The following TRIP11 variants were observed in gnomAD, a reference collection of about 807,000 sequenced individuals.
TRIP11 encodes the protein thyroid hormone receptor interactor 11.
A neutral mutation model predicts 223.1 loss-of-function variants in TRIP11; 148 were observed. The ratio of observed to expected loss-of-function variants is 0.66; its 90% CI spans 0.58 to 0.76. The LOEUF (loss-of-function observed/expected upper bound fraction) is 0.76, where lower values mean the gene tolerates loss of function less well. Among genes scored for constraint, TRIP11 ranks in the 30% least tolerant of loss-of-function variants. The probability of loss-of-function intolerance (pLI) is 0.00; values close to 1 mark genes in which losing one functional copy is unlikely to be tolerated. For synonymous variants in TRIP11, 762 were observed against 772.6 expected (o/e 0.99, Z 0.23); for missense variants, 2,043 against 2,222.0 (o/e 0.92, Z 1.62).
At chr14:92,038,961 G>A (rs2057353519) in intron 1 of TRIP11, among the ~76,000 whole-genome samples, 1 of 152,066 alleles carries the variant, frequency 6.6e-6, no homozygotes, top group Admixed American at 6.6e-5. Flanking sequence ...TTCTACTGTC[G>A]AAATATGGGC....
Position 91,995,356 on chromosome 14 carries a change from T to C in TRIP11, c.5052A>G (p.Gln1684=), listed in dbSNP as rs763420190. The C allele has an allele frequency of 5.0e-6, 8 of 1,613,366 alleles. No homozygotes were observed. Among genetic ancestry groups the C allele is most frequent in the Non-Finnish European group, 2.5e-6 (3 of 1,179,926 alleles). The change falls in exon 14 of 21, where the codon CAA becomes CAG. Residue 1684 remains glutamine (Q), a synonymous_variant. Transcript: ENST00000267622. ...ANLQMVLEHF[Q]QEEKAMYSAE... Reference sequence around the variant, plus strand: ...AAGAGTGACCGTAGAGCTTACCTTGTTGGAAATGCTCTAGTACCATCTGCA... The same window carrying C: ...AAGAGTGACCGTAGAGCTTACCTTGCTGGAAATGCTCTAGTACCATCTGCA...
intron 16 of TRIP11, among the ~76,000 whole-genome samples, chr14:91,976,854 A>G (rs1474742901): frequency 1.3e-5 from 2 of 152,224 alleles, no homozygotes; most frequent in African/African-American, 4.8e-5. Context: ...AATAGTTGGA[A>G]TTTAAGCAGT....
chr14:91,993,514 A>AAGTTAAAT (rs1370779983), intron 15 of TRIP11, among the ~76,000 whole-genome samples: 1 of 151,542 alleles, frequency 6.6e-6, no homozygotes, highest in East Asian at 1.9e-4. Flanking sequence ...GAAAATTATA[A>AAGTTAAAT]AGTTAAATTA....
intron 11 of TRIP11, 132 bp from the exon 12 acceptor site, chr14:92,000,240 AGG>A: frequency 7.3e-7 from 1 of 1,370,210 alleles, no homozygotes; most frequent in South Asian, 1.3e-5. Flanking sequence ...CTCTCTGAGT[AGG>A]CTCAGAGAGA....
At chr14:91,998,328 T>C (rs1250962770) in intron 13 of TRIP11, among the ~76,000 whole-genome samples, 1 of 152,164 alleles carries the variant, frequency 6.6e-6, no homozygotes, top group Non-Finnish European at 1.5e-5. Context: ...ATATAATCTG[T>C]CATCAACACA....
rs1283209291 is a variant in TRIP11 at position 91,967,384 on chromosome 14, C to A, written c.*2289G>T. On this transcript the variant is annotated 3_prime_UTR_variant, in exon 21 of 21. Transcript: ENST00000267622. ...GAACTCCTGACCTCAGGTGATCCAC[C>A]CACCTCACCCTCCCAAAGTTCTGGG... The A allele has an allele frequency of 1.7e-5, 3 of 178,774 alleles. No homozygotes were observed. The highest frequency in any genetic ancestry group is 3.6e-5 in the Non-Finnish European group (3 of 83,536). 11.1% of individuals were successfully genotyped at this position (178,774 alleles called of 1,614,324 possible).
chr14:92,022,504 A>G (rs2057127653), intron 3 of TRIP11, among the ~76,000 whole-genome samples: 1 of 152,236 alleles, frequency 6.6e-6, no homozygotes, highest in African/African-American at 2.4e-5. Context: ...ATTTAGGAAG[A>G]GAACAGTTCT....
At chr14:92,020,544 G>A (rs977891713) in intron 4 of TRIP11, among the ~76,000 whole-genome samples, 1 of 152,056 alleles carries the variant, frequency 6.6e-6, no homozygotes, top group Non-Finnish European at 1.5e-5. Context: ...TAAGCAAGCG[G>A]TTTCAAACAT....
chr14:91,997,330 A>G (rs1183745444), intron 13 of TRIP11, among the ~76,000 whole-genome samples: 2 of 152,144 alleles, frequency 1.3e-5, no homozygotes, highest in Non-Finnish European at 1.5e-5. Context: ...ATGCTATGTG[A>G]TAGGTAGAAA....
Position 92,021,664 on chromosome 14 carries a change from A to T in TRIP11, c.480T>A (p.Asp160Glu). 6.2e-7 allele frequency: 1 copy of T among 1,614,164 alleles called. No homozygotes were observed. Among genetic ancestry groups the T allele is most frequent in the East Asian group, 2.2e-5 (1 of 44,882 alleles). ...ISHHPSAFHD[D>E]DMDFGDIISS... ...AAATTATATCACCAAAGTCCATGTC[A>T]TCGTCATGGAAAGCTGAAGGATGAT... The change falls in exon 4 of 21, where the codon GAT becomes GAA. Residue 160 changes from aspartate (D) to glutamate (E), a missense_variant. Coordinates refer to ENST00000267622, the MANE Select transcript of TRIP11 (RefSeq NM_004239.4).
Position 91,968,491 on chromosome 14 carries a change from A to G in TRIP11, c.*1182T>C, listed in dbSNP as rs540801549. The stretch of plus-strand genomic sequence containing the variant: ...GCTGTACCTCATATGTCAACACCGC[A>G]GACGGAGGCAGGAAGTGGCATGTTC... On this transcript the variant is annotated 3_prime_UTR_variant, in exon 21 of 21. Coordinates refer to ENST00000267622, the MANE Select transcript of TRIP11 (RefSeq NM_004239.4). The G allele has an allele frequency of 1.4e-5, 3 of 215,986 alleles. No homozygotes were observed. The South Asian group carries it at 5.6e-4, about 40-fold the overall frequency. The allele number at this position is 215,986 out of a possible 1,614,324, so 13.4% of individuals were successfully genotyped here. A position where few individuals can be genotyped will look rare whatever the true frequency, so the allele number is the denominator to read the frequency against.
intron 15 of TRIP11, among the ~76,000 whole-genome samples, chr14:91,992,108 G>C (rs1487203500): frequency 1.7e-5 from 2 of 121,014 alleles, no homozygotes; most frequent in African/African-American, 3.0e-5. Context: ...AAAAAAGCAA[G>C]TCTCAGAAAA....
chr14:92,003,507 G>GAA lies in TRIP11; in HGVS notation c.4467_4468dup (p.Ser1490PhefsTer3). ...AAACTCTTTTTCTCGCAGCATCATA[G>GAA]AAAACTTCATGTTAGTCTCTTGTAA... is the stretch of plus-strand genomic sequence containing the variant. On this transcript the variant is annotated frameshift_variant, in exon 11 of 21. Coordinates refer to ENST00000267622, the MANE Select transcript of TRIP11 (RefSeq NM_004239.4). LOFTEE classifies it high-confidence loss of function. The GAA allele has an allele frequency of 6.2e-7, 1 of 1,614,096 alleles. No homozygotes were observed. The highest frequency in any genetic ancestry group is 8.5e-7 in the Non-Finnish European group (1 of 1,180,014).
chr14:92,031,076 A>G lies in TRIP11; in HGVS notation c.201+2116T>C, dbSNP rs953864782. On this transcript the variant is annotated intron_variant, in intron 2 of 20. Coordinates refer to ENST00000267622, the MANE Select transcript of TRIP11 (RefSeq NM_004239.4). ...ACCAGCCTGGGCAACAGAGCAAGACATCGTCTCTACAAAAAATTTTATTTA... is the reference window on the plus strand; with the variant it reads ...ACCAGCCTGGGCAACAGAGCAAGACGTCGTCTCTACAAAAAATTTTATTTA... Among the ~76,000 whole-genome samples the G allele has an allele frequency of 7.9e-5, 12 of 151,980 alleles. No homozygotes were observed. The East Asian group carries it at 2.3e-3, about 30-fold the overall frequency.
intron 1 of TRIP11, among the ~76,000 whole-genome samples, chr14:92,036,321 G>T (rs2057324944): frequency 6.6e-6 from 1 of 152,156 alleles, no homozygotes; most frequent in African/African-American, 2.4e-5. Context: ...GGGCAAATAT[G>T]ACATTTACCA....
At chr14:92,001,680 A>C (rs2140113232) in intron 11 of TRIP11, among the ~76,000 whole-genome samples, 1 of 152,294 alleles carries the variant, frequency 6.6e-6, no homozygotes, top group South Asian at 2.1e-4. Context: ...AATGAAATAG[A>C]ACTAAATTGT....
rs2057027352 is a variant in TRIP11, at chr14:92,015,679, G to T, written c.823+17C>A. The T allele has an allele frequency of 4.4e-6, 7 of 1,579,332 alleles. No individual in the cohort carries two copies. Among genetic ancestry groups the T allele is most frequent in the East Asian group, 2.3e-5 (1 of 43,362 alleles). On this transcript the variant is annotated intron_variant, in intron 6 of 20. Transcript: ENST00000267622. ...TCTCAAAAAAAATAATAATAATAAAGAAATAAAACTAATAACCTTGTTGTA... is the reference window on the plus strand; with the variant it reads ...TCTCAAAAAAAATAATAATAATAAATAAATAAAACTAATAACCTTGTTGTA...
In TRIP11 at chr14:92,037,207, T is replaced by C. The variant is rs2057333959; in HGVS notation, c.139+2340A>G. Reference sequence around the variant, plus strand: ...AAGGAAGGTGTCACATATTTGGTAATATAAGGAGCAAAAAAATTCAGTCCT... The same window carrying C: ...AAGGAAGGTGTCACATATTTGGTAACATAAGGAGCAAAAAAATTCAGTCCT... On this transcript the variant is annotated intron_variant, in intron 1 of 20. Coordinates refer to ENST00000267622, the MANE Select transcript of TRIP11 (RefSeq NM_004239.4). The surrounding 1 kb of genome is among the most constrained non-coding windows in gnomAD (Gnocchi z 4.2). 6.6e-6 allele frequency among the ~76,000 whole-genome samples: 1 copy of C among 152,158 alleles called. No individual in the cohort carries two copies. The highest frequency in any genetic ancestry group is 2.4e-5 in the African/African-American group (1 of 41,438).
At position 92,005,622 on chromosome 14, in the gene TRIP11, A is replaced by G; in HGVS notation, c.2354T>C (p.Met785Thr). 6.2e-7 allele frequency: 1 copy of G among 1,613,934 alleles called. No homozygotes were observed. ...IAELKKNIEQMDTDHKETKDV... is the reference protein window; with the variant it reads ...IAELKKNIEQTDTDHKETKDV... ...CTTAGTTTCTTTATGGTCAGTATCC[A>G]TTTGTTCAATATTCTTTTTGAGTTC... Residue 785 changes from methionine (M) to threonine (T), a missense_variant, in exon 11 of 21, where the codon ATG (methionine) becomes ACG (threonine). Coordinates refer to ENST00000267622, the MANE Select transcript of TRIP11 (RefSeq NM_004239.4).
Sources: allele counts gnomAD v4.1 joint callset (sites outside exome capture counted in the v4.1 genomes callset), GRCh38; gene constraint gnomAD v4.1.1; non-coding constraint Gnocchi (gnomAD v3.1); transcripts MANE v1.5; gene names NCBI Gene and HGNC (gene_info 2026-07-23, HGNC 2026-07-21).